MTA3: variants seen among roughly 807,000 people sequenced by gnomAD.
MTA3 encodes the protein metastasis associated 1 family member 3.
Under a neutral mutation model 83.5 loss-of-function variants are expected in MTA3, and 34 were observed. The ratio of observed to expected loss-of-function variants is 0.41; its 90% CI spans 0.31 to 0.54. MTA3 has a LOEUF of 0.54. MTA3 is among the 20% of genes least tolerant of loss of function. The pLI, the probability that MTA3 is intolerant of heterozygous loss-of-function variation, is 0.33. For missense variants in MTA3, 761 were observed against 726.4 expected, an observed-to-expected ratio of 1.05 and a Z score of -0.55; for synonymous variants, 303 against 252.7, an observed-to-expected ratio of 1.20 and a Z score of -1.89.
At chr2:42,604,671 G>T (rs1683021023) in intron 3 of MTA3, among the ~76,000 whole-genome samples, 2 of 135,594 alleles carry the variant, frequency 1.5e-5, no homozygotes, top group African/African-American at 2.9e-5. Context: ...GTGGAGGGAA[G>T]GTCAGCAGAT....
At chr2:42,644,618 T>C (rs1457474875) in intron 6 of MTA3, among the ~76,000 whole-genome samples, 34 of 152,212 alleles carry the variant, frequency 2.2e-4, no homozygotes, top group South Asian at 2.1e-4. Flanking sequence ...TGAAGGTTTG[T>C]GGCAACCCTG....
At chr2:42,537,520 A>C (rs890342719) in intron 2 of MTA3, among the ~76,000 whole-genome samples, 1 of 151,932 alleles carries the variant, frequency 6.6e-6, no homozygotes, top group Non-Finnish European at 1.5e-5. Flanking sequence ...AGCTGAGATC[A>C]AGCCATTGCA....
chr2:42,647,482 C>G (rs1375239813), intron 6 of MTA3, among the ~76,000 whole-genome samples: 3 of 152,020 alleles, frequency 2.0e-5, no homozygotes, highest in Non-Finnish European at 4.4e-5. Flanking sequence ...CCACCTTGGC[C>G]TCCCAAAGTG....
chr2:42,506,226 T>G (rs1025064821), intron 2 of MTA3, among the ~76,000 whole-genome samples: 3 of 152,270 alleles, frequency 2.0e-5, no homozygotes, highest in African/African-American at 7.2e-5. Flanking sequence ...AGAAGAATTG[T>G]TTGAGCCCAG....
At chr2:42,753,042 A>C (rs1670002694) in intron 16 of MTA3, among the ~76,000 whole-genome samples, 1 of 151,530 alleles carries the variant, frequency 6.6e-6, no homozygotes, top group African/African-American at 2.4e-5. Flanking sequence ...CTCCCCCCTC[A>C]GCCTCCTGAA....
chr2:42,723,187 T>C lies in MTA3; in HGVS notation c.1759+152T>C, dbSNP rs559196242. The C allele has an allele frequency of 3.4e-4, 312 of 914,020 alleles. No individual in the cohort carries two copies. The Middle Eastern group carries it at 4.1e-3, about 12-fold the overall frequency. The allele number at this position is 914,020 out of a possible 1,614,324, so 56.6% of individuals were successfully genotyped here. Reference sequence around the variant, plus strand: ...AGGAATAAGGGGGAATACAGCCATATGCCACATTTTGCCAAGGGATAGTTC... The same window carrying C: ...AGGAATAAGGGGGAATACAGCCATACGCCACATTTTGCCAAGGGATAGTTC... On this transcript the variant is annotated intron_variant, in intron 16 of 16. Coordinates refer to ENST00000405094, the MANE Select transcript of MTA3 (RefSeq NM_001330442.2).
chr2:42,660,431 T>G (rs998637942), intron 8 of MTA3, among the ~76,000 whole-genome samples: 1 of 152,220 alleles, frequency 6.6e-6, no homozygotes, highest in African/African-American at 2.4e-5. Context: ...ATAGTTGATA[T>G]CTTTTAAATC....
chr2:42,614,986 A>C (rs1431045720), intron 4 of MTA3, among the ~76,000 whole-genome samples: 1 of 150,718 alleles, frequency 6.6e-6, no homozygotes, highest in African/African-American at 2.4e-5. Flanking sequence ...TAAAAAAAAA[A>C]AAAACAAAAA....
At chr2:42,613,024 C>T (rs756910161) in intron 4 of MTA3, among the ~76,000 whole-genome samples, 3 of 151,982 alleles carry the variant, frequency 2.0e-5, no homozygotes, top group Non-Finnish European at 4.4e-5. Context: ...TTATAAGTAA[C>T]GTTGGTTTCT....
intron 3 of MTA3, among the ~76,000 whole-genome samples, chr2:42,589,169 T>G (rs978099624): frequency 6.6e-6 from 1 of 152,204 alleles, no homozygotes; most frequent in Non-Finnish European, 1.5e-5. Flanking sequence ...CGGCACCTTA[T>G]TTCAACCAGT....
chr2:42,590,662 C>A (rs568580804), intron 3 of MTA3, among the ~76,000 whole-genome samples: 1 of 148,982 alleles, frequency 6.7e-6, no homozygotes, highest in Non-Finnish European at 1.5e-5. Context: ...GCTCTGTCAC[C>A]CAGGCTGGAG....
chr2:42,497,231 C>A (rs1022956319), intron 2 of MTA3, among the ~76,000 whole-genome samples: 19 of 151,132 alleles, frequency 1.3e-4, no homozygotes, highest in Admixed American at 9.3e-4. Context: ...CAAAAAAAAA[C>A]AAAACAAACA....
chr2:42,618,527 T>G (rs2104168234), intron 4 of MTA3, among the ~76,000 whole-genome samples: 1 of 152,346 alleles, frequency 6.6e-6, no homozygotes, highest in Admixed American at 6.5e-5. Context: ...GTAGAAAATA[T>G]AGAAAAAGAC....
rs1331890642 is a variant in MTA3, at chr2:42,754,512, T to C, written c.*1113T>C. ...CCTTGGTGGCATCACAGTTGGCCAC[T>C]CAGCTGTGCTGAGTAGCTGTGCTAC... On this transcript the variant is annotated 3_prime_UTR_variant, in exon 17 of 17. Transcript: ENST00000405094. 2.0e-6 allele frequency: 2 copies of C among 985,238 alleles called. No homozygotes were observed. Among genetic ancestry groups the C allele is most frequent in the Admixed American group, 6.2e-5 (1 of 16,258 alleles). 61.0% of individuals were successfully genotyped at this position (985,238 alleles called of 1,614,324 possible). A position where few individuals can be genotyped will look rare whatever the true frequency, so the allele number is the denominator to read the frequency against.
chr2:42,656,029 G>C (rs1689142805), intron 6 of MTA3, among the ~76,000 whole-genome samples, 171 bp from the exon 7 acceptor site: 1 of 152,220 alleles, frequency 6.6e-6, no homozygotes, highest in South Asian at 2.1e-4. Flanking sequence ...ATTATCATCA[G>C]TGTTCACTTT....
chr2:42,540,770 G>C (rs1676482897), intron 2 of MTA3, among the ~76,000 whole-genome samples: 1 of 151,426 alleles, frequency 6.6e-6, no homozygotes, highest in Non-Finnish European at 1.5e-5. Context: ...AAGAGTTTGT[G>C]GTTGCAGTGA....
At chr2:42,669,011 G>C (rs1024377203) in intron 8 of MTA3, among the ~76,000 whole-genome samples, 14 of 151,680 alleles carry the variant, frequency 9.2e-5, no homozygotes, top group African/African-American at 3.4e-4. Flanking sequence ...TTGTTTGTGA[G>C]TCTTGTTTCA....
chr2:42,726,791 C>T (rs1667851911), intron 16 of MTA3, among the ~76,000 whole-genome samples: 1 of 152,194 alleles, frequency 6.6e-6, no homozygotes, highest in Non-Finnish European at 1.5e-5. Context: ...TTGGTATGGA[C>T]TGGGTGCAGA....
chr2:42,644,351 T>A (rs2104315610), intron 6 of MTA3, 107 bp downstream of exon 6: 1 of 614,508 alleles, frequency 1.6e-6, no homozygotes, highest in African/African-American at 1.9e-5. Context: ...AGTCTAAAAG[T>A]TATAAGCACT....
Sources: allele counts gnomAD v4.1 joint callset (sites outside exome capture counted in the v4.1 genomes callset), GRCh38; gene constraint gnomAD v4.1.1; transcripts MANE v1.5; gene names NCBI Gene and HGNC (gene_info 2026-07-23, HGNC 2026-07-21).